Variants in MANSC1 observed in about 807,000 individuals in gnomAD.
MANSC1 encodes the protein MANSC domain-containing protein 1.
A neutral mutation model predicts 14.1 loss-of-function variants in MANSC1; 13 were observed. The ratio of observed to expected loss-of-function variants is 0.92; its 90% CI spans 0.60 to 1.46. The LOEUF is 1.46. Ranked by LOEUF, MANSC1 falls within the 40% of genes most tolerant of loss-of-function variation. MANSC1 has a pLI of 0.00. For synonymous variants in MANSC1, 227 were observed against 200.7 expected (o/e 1.13, Z -1.11); for missense variants, 486 against 511.4 (o/e 0.95, Z 0.48).
At chr12:12,337,971 C>T (rs1022040059) in intron 3 of MANSC1, among the ~76,000 whole-genome samples, 6 of 152,058 alleles carry the variant, frequency 3.9e-5, no homozygotes, top group South Asian at 2.1e-4. Context: ...TGATTTCAGA[C>T]GAGATTGGGT....
intron 1 of MANSC1, among the ~76,000 whole-genome samples, chr12:12,345,100 A>C (rs1862993584): frequency 6.7e-6 from 1 of 149,374 alleles, no homozygotes; most frequent in Non-Finnish European, 1.5e-5. Context: ...TGGGCGGATC[A>C]CCTGAGGTCA....
chr12:12,335,249 C>T (rs932481486), intron 3 of MANSC1, among the ~76,000 whole-genome samples: 3 of 152,262 alleles, frequency 2.0e-5, no homozygotes, highest in South Asian at 2.1e-4. Context: ...ATCTCACCTG[C>T]GCCTCCTAAC....
chr12:12,337,736 C>A (rs1421820394), intron 3 of MANSC1, among the ~76,000 whole-genome samples: 1 of 152,158 alleles, frequency 6.6e-6, no homozygotes. Context: ...ACTGAAACCA[C>A]TTCAACTTGA....
intron 1 of MANSC1, among the ~76,000 whole-genome samples, chr12:12,344,855 A>G (rs1442739612): frequency 5.1e-5 from 7 of 137,986 alleles, no homozygotes; most frequent in Admixed American, 4.7e-4. Flanking sequence ...CTTGCTCCTC[A>G]GCCTGCAGAT....
Position 12,328,284 on chromosome 12 carries a change from G to A in MANSC1, c.*1743C>T, listed in dbSNP as rs903927498. On this transcript the variant is annotated 3_prime_UTR_variant, in exon 4 of 4. Transcript: ENST00000535902. ...TTATTATTATTATTTTTGAGACGGA[G>A]TCTGGCTCTGTTGCCCAGGCTGGAG... The A allele has an allele frequency of 6.6e-6, 1 of 152,152 alleles. No homozygotes were observed. Among genetic ancestry groups the A allele is most frequent in the African/African-American group, 2.4e-5 (1 of 41,434 alleles). The allele number at this position is 152,152 out of a possible 1,614,324, so 9.4% of individuals were successfully genotyped here.
At chr12:12,341,246 G>A (rs953572399) in intron 2 of MANSC1, among the ~76,000 whole-genome samples, 3 of 152,200 alleles carry the variant, frequency 2.0e-5, no homozygotes, top group Non-Finnish European at 4.4e-5. Context: ...GGAAAATGCT[G>A]TATTTACTAT....
intron 1 of MANSC1, chr12:12,348,367 C>A (rs1489966485): frequency 3.3e-5 from 5 of 152,048 alleles, no homozygotes; most frequent in Admixed American, 6.6e-5. Flanking sequence ...GAATATTACT[C>A]AGTAATAAAA....
chr12:12,339,729 C>A (rs1445499711), intron 2 of MANSC1, among the ~76,000 whole-genome samples: 1 of 152,082 alleles, frequency 6.6e-6, no homozygotes, highest in Non-Finnish European at 1.5e-5. Context: ...TGTTTTTCTT[C>A]CAATTACCCC....
intron 3 of MANSC1, among the ~76,000 whole-genome samples, chr12:12,337,355 A>C (rs1862872259): frequency 6.6e-6 from 1 of 152,170 alleles, no homozygotes; most frequent in Admixed American, 6.5e-5. Flanking sequence ...CAGGAGATTG[A>C]GACCATCCTG....
chr12:12,347,362 G>A (rs1003149808), intron 1 of MANSC1, among the ~76,000 whole-genome samples: 12 of 152,058 alleles, frequency 7.9e-5, no homozygotes, highest in Admixed American at 5.2e-4. Context: ...GAGAATCTAC[G>A]GCCACCACTG....
intron 1 of MANSC1, among the ~76,000 whole-genome samples, chr12:12,348,626 T>C (rs1182368456): frequency 4.0e-5 from 6 of 151,750 alleles, no homozygotes; most frequent in Admixed American, 6.6e-5. Context: ...ATACATGTTA[T>C]TGAACATCTG....
intron 3 of MANSC1, among the ~76,000 whole-genome samples, chr12:12,337,206 G>C (rs1862869890): frequency 6.6e-6 from 1 of 152,136 alleles, no homozygotes; most frequent in Admixed American, 6.5e-5. Flanking sequence ...GAAGCCAGGA[G>C]GTGGTGGTTG....
At chr12:12,340,901 T>C (rs1245223530) in intron 2 of MANSC1, among the ~76,000 whole-genome samples, 1 of 152,210 alleles carries the variant, frequency 6.6e-6, no homozygotes, top group African/African-American at 2.4e-5. Flanking sequence ...ATTACTTGCA[T>C]AAAGTGTCCC....
chr12:12,336,775 A>G (rs1258913419), intron 3 of MANSC1, among the ~76,000 whole-genome samples: 1 of 151,432 alleles, frequency 6.6e-6, no homozygotes, highest in Non-Finnish European at 1.5e-5. Flanking sequence ...TGATCCTCCC[A>G]CCTCCCAGAG....
intron 2 of MANSC1, chr12:12,338,890 A>AACACAAAC (rs1862896751): frequency 5.2e-6 from 1 of 191,870 alleles, no homozygotes; most frequent in Non-Finnish European, 1.0e-5. Context: ...CACACACACA[A>AACACAAAC]ACACACACAC....
In MANSC1 at chr12:12,343,369, G is replaced by A; in HGVS notation, c.-55C>T. The A allele has an allele frequency of 7.7e-7, 1 of 1,305,678 alleles. No homozygotes were observed. The highest frequency in any genetic ancestry group is 1.9e-4 in the Middle Eastern group (1 of 5,358). 80.9% of individuals were successfully genotyped at this position (1,305,678 alleles called of 1,614,324 possible). A position where few individuals can be genotyped will look rare whatever the true frequency, so the allele number is the denominator to read the frequency against. On this transcript the variant is annotated 5_prime_UTR_variant, in exon 2 of 4. Coordinates refer to ENST00000535902, the MANE Select transcript of MANSC1 (RefSeq NM_018050.4). ...AAGGTCAAGGATAATCCTCCCTCTG[G>A]TCTTAGTTTGCTTTAAGAAGGCTGC...
chr12:12,329,940 C>A lies in MANSC1; in HGVS notation c.*87G>T. The A allele has an allele frequency of 8.8e-7, 1 of 1,132,850 alleles. No homozygotes were observed. The highest frequency in any genetic ancestry group is 1.2e-6 in the Non-Finnish European group (1 of 802,258). 70.2% of individuals were successfully genotyped at this position (1,132,850 alleles called of 1,614,324 possible). A position where few individuals can be genotyped will look rare whatever the true frequency, so the allele number is the denominator to read the frequency against. On this transcript the variant is annotated 3_prime_UTR_variant, in exon 4 of 4. Transcript: ENST00000535902. ...CATTTTCCTGTCTTCAAAATACAAC[C>A]TCCTGCTAAGACTAGCAAGTCAGCA...
Position 12,329,790 on chromosome 12 carries a change from A to C in MANSC1, c.*237T>G, listed in dbSNP as rs534015376. On this transcript the variant is annotated 3_prime_UTR_variant, in exon 4 of 4. Transcript: ENST00000535902. ...TCCCAGATACTTAGGAGGCTGAGGC[A>C]GGAGAATCGCTTGAACCCAGGAGAC... 1 of 453,374 alleles carries C rather than the reference A, an allele frequency of 2.2e-6. No homozygotes were observed. Among genetic ancestry groups the C allele is most frequent in the South Asian group, 3.3e-5 (1 of 30,704 alleles). The allele number at this position is 453,374 out of a possible 1,614,324, so 28.1% of individuals were successfully genotyped here.
intron 1 of MANSC1, among the ~76,000 whole-genome samples, chr12:12,344,959 A>G (rs1399908103): frequency 7.2e-5 from 7 of 97,022 alleles, no homozygotes; most frequent in African/African-American, 2.8e-4. Flanking sequence ...ATATATATAT[A>G]TATATATATT....
Sources: gnomAD v4.1 joint callset for allele counts (sites outside exome capture counted in the v4.1 genomes callset) on GRCh38, gnomAD v4.1.1 for gene constraint, MANE v1.5 for transcripts, NCBI Gene and HGNC (gene_info 2026-07-23, HGNC 2026-07-21) for gene names.